Variants in ERCC1 observed in about 807,000 individuals in gnomAD.
The protein encoded by ERCC1 is ERCC excision repair 1, endonuclease non-catalytic subunit.
Under a neutral mutation model 37.6 loss-of-function variants are expected in ERCC1, and 36 were observed. The observed-to-expected ratio is 0.96, with a 90% CI of 0.73 to 1.26. The LOEUF is 1.26. Ranked by LOEUF, ERCC1 falls within the 50% of genes most tolerant of loss-of-function variation. ERCC1 has a pLI of 0.00. For missense variants in ERCC1, 349 were observed against 376.5 expected (o/e 0.93, Z 0.60); for synonymous variants, 156 against 162.1 (o/e 0.96, Z 0.28).
intron 7 of ERCC1, 54 bp from the exon 8 acceptor site, chr19:45,414,088 A>G: frequency 6.9e-7 from 1 of 1,453,820 alleles, no homozygotes. Flanking sequence ...AGCAAGACTG[A>G]GCCTAGGAGG....
intron 9 of ERCC1, 170 bp from the exon 10 acceptor site, chr19:45,409,895 A>ATTATTATT (rs1555785258): frequency 2.7e-4 from 46 of 171,654 alleles, no homozygotes; most frequent in Non-Finnish European, 3.6e-4. Flanking sequence ...TATTATTATT[A>ATTATTATT]TTTTTTTTTT....
intron 5 of ERCC1, among the ~76,000 whole-genome samples, chr19:45,418,505 G>A (rs999717808): frequency 1.8e-4 from 26 of 145,792 alleles, no homozygotes; most frequent in African/African-American, 6.6e-4. Flanking sequence ...GGGCGACAGA[G>A]GAGACTCCGT....
chr19:45,423,918 G>A (rs1974599968), upstream of ERCC1: 2 of 1,099,714 alleles, frequency 1.8e-6, no homozygotes, highest in African/African-American at 3.2e-5. Context: ...CAGCACTTCC[G>A]GCCTCTCTGG....
chr19:45,443,176 T>C (rs1975164546), intron 1 of ERCC1, among the ~76,000 whole-genome samples: 1 of 151,974 alleles, frequency 6.6e-6, no homozygotes, highest in South Asian at 2.1e-4. Context: ...ATCTTATTGA[T>C]TTGTCTAGTG....
chr19:45,417,301 TCC>T (rs1974122615), intron 5 of ERCC1, among the ~76,000 whole-genome samples: 1 of 151,940 alleles, frequency 6.6e-6, no homozygotes, highest in South Asian at 2.1e-4. Flanking sequence ...GACAGACCTG[TCC>T]CCAGACACTG....
upstream of ERCC1, among the ~76,000 whole-genome samples, chr19:45,426,416 T>C (rs758902919): frequency 6.8e-6 from 1 of 146,788 alleles, no homozygotes; most frequent in Non-Finnish European, 1.5e-5. Context: ...CCGGGCATGG[T>C]GGCACATGCC....
chr19:45,423,772 C>A lies in ERCC1; in HGVS notation c.-8+9G>T. 1 of 1,145,000 alleles carries A rather than the reference C, an allele frequency of 8.7e-7. No homozygotes were observed. The allele number at this position is 1,145,000 out of a possible 1,614,324, so 70.9% of individuals were successfully genotyped here. A position where few individuals can be genotyped will look rare whatever the true frequency, so the allele number is the denominator to read the frequency against. On this transcript the variant is annotated intron_variant, in intron 1 of 9. Transcript: ENST00000300853. ...GCCAATCTCCACCCGCAGTCTCCGC[C>A]TCCCGCACCTGTGGTCCGGGCCTCA...
chr19:45,420,258 G>T lies in ERCC1; in HGVS notation c.425+66C>A. 9.6e-7 allele frequency: 1 copy of T among 1,041,194 alleles called. No individual in the cohort carries two copies. 64.5% of individuals were successfully genotyped at this position (1,041,194 alleles called of 1,614,324 possible). A position where few individuals can be genotyped will look rare whatever the true frequency, so the allele number is the denominator to read the frequency against. ...TCTCATAGAACAGTCCAGAACACTG[G>T]GACATGACCCTCCCAGGCCAGTGGG... On this transcript the variant is annotated intron_variant, in intron 4 of 9. Transcript: ENST00000300853. The surrounding 1 kb of genome is among the most constrained non-coding windows in gnomAD (Gnocchi z 4.8).
chr19:45,408,313 A>G lies in ERCC1; in HGVS notation c.*1362T>C, dbSNP rs1973473245. On this transcript the variant is annotated 3_prime_UTR_variant, in exon 10 of 10. Transcript: ENST00000300853. The stretch of plus-strand genomic sequence containing the variant: ...GTGCCTCAGCCCCCCAGGGCACCCT[A>G]AGGATCCTTGAGGGTCCCCAGCAAT... 6.2e-7 allele frequency: 1 copy of G among 1,611,742 alleles called. No individual in the cohort carries two copies. The highest frequency in any genetic ancestry group is 8.5e-7 in the Non-Finnish European group (1 of 1,178,580).
At chr19:45,410,567 G>GTGTGTGTA (rs1255993618) in intron 9 of ERCC1, 1 of 141,900 alleles carries the variant, frequency 7.0e-6, no homozygotes, top group Non-Finnish European at 1.5e-5. Context: ...TTCTTTCTTT[G>GTGTGTGTA]TGTGTGTGTG....
At position 45,414,020 on chromosome 19, in the gene ERCC1, C is replaced by G. The variant is rs1415547968; in HGVS notation, c.717G>C (p.Leu239=). ...QDFVSRVTEC[L]TTVKSVNKTD... ...TTTTGTTGACTGACTTCACGGTGGT[C>G]AGACATTCAGTCACCTGGAAAGGGT... Residue 239 remains leucine, a synonymous_variant, in exon 8 of 10, where the codon CTG becomes CTC. Transcript: ENST00000300853. 2 of 1,613,070 alleles carry G rather than the reference C, an allele frequency of 1.2e-6. No individual in the cohort carries two copies. The highest frequency in any genetic ancestry group is 1.3e-5 in the African/African-American group (1 of 74,848).
rs1973451773 is a variant in ERCC1, at chr19:45,408,060, AC to A, written c.*1614del. The A allele has an allele frequency of 1.2e-5, 18 of 1,441,306 alleles. No homozygotes were observed. Among genetic ancestry groups the A allele is most frequent in the South Asian group, 7.0e-5 (5 of 71,638 alleles). The allele number at this position is 1,441,306 out of a possible 1,614,324, so 89.3% of individuals were successfully genotyped here. A position where few individuals can be genotyped will look rare whatever the true frequency, so the allele number is the denominator to read the frequency against. Reference sequence around the variant, plus strand: ...CAGAGCAAGACTCTCTCAAAAAAAAACAAAAAAAAAATCAAAAAACCTTCCC... The same window carrying A: ...CAGAGCAAGACTCTCTCAAAAAAAAAAAAAAAAAAATCAAAAAACCTTCCC... On this transcript the variant is annotated 3_prime_UTR_variant, in exon 10 of 10. Coordinates refer to ENST00000300853, the MANE Select transcript of ERCC1 (RefSeq NM_001983.4).
chr19:45,423,634 C>T, intron 1 of ERCC1, 147 bp downstream of exon 1: 8 of 1,329,476 alleles, frequency 6.0e-6, no homozygotes, highest in Non-Finnish European at 7.8e-6. Flanking sequence ...TTGGCTCCGT[C>T]CCCACCATCC....
At chr19:45,411,378 C>G (rs1231418900) in intron 9 of ERCC1, among the ~76,000 whole-genome samples, 4 of 152,016 alleles carry the variant, frequency 2.6e-5, no homozygotes, top group Non-Finnish European at 5.9e-5. Context: ...AAACTGTTTT[C>G]CATAGTGGTT....
Position 45,423,378 on chromosome 19 carries a change from G to C in ERCC1, c.-4C>G. 1 of 1,610,410 alleles carries C rather than the reference G, an allele frequency of 6.2e-7. No homozygotes were observed. The highest frequency in any genetic ancestry group is 8.5e-7 in the Non-Finnish European group (1 of 1,178,578). On this transcript the variant is annotated 5_prime_UTR_variant, in exon 2 of 10. Coordinates refer to ENST00000300853, the MANE Select transcript of ERCC1 (RefSeq NM_001983.4). ...CTTTGTCCTTCCCAGGGTCCATCTG[G>C]AGCCTGAAAGGGAAGGTGCCAGGAG...
intron 4 of ERCC1, 42 bp from the exon 5 acceptor site, chr19:45,419,239 T>G: frequency 1.5e-6 from 2 of 1,359,710 alleles, no homozygotes; most frequent in Non-Finnish European, 2.1e-6. Context: ...TCTCAGTCTC[T>G]TCAAGACCCC....
At chr19:45,430,368 T>C (rs1264147535) in intron 1 of ERCC1, among the ~76,000 whole-genome samples, 2 of 152,192 alleles carry the variant, frequency 1.3e-5, no homozygotes, top group Admixed American at 1.3e-4. Flanking sequence ...ACTTTTATTA[T>C]TATTATCACC....
Position 45,413,704 on chromosome 19 carries a change from G to A in ERCC1, c.816C>T (p.Ala272=). ...TCTGAGGGCCCAGGCCTGGGCATAA[G>A]GCCAGATCTTCTCTTGATGCGGCGA... is the stretch of plus-strand genomic sequence containing the variant. ...QLIAASREDL[A]LCPGLGPQKA... Residue 272 remains alanine, a synonymous_variant, in exon 9 of 10, where the codon GCC becomes GCT. Coordinates refer to ENST00000300853, the MANE Select transcript of ERCC1 (RefSeq NM_001983.4). 6.2e-7 allele frequency: 1 copy of A among 1,614,114 alleles called. No homozygotes were observed. Among genetic ancestry groups the A allele is most frequent in the Non-Finnish European group, 8.5e-7 (1 of 1,180,042 alleles).
intron 1 of ERCC1, among the ~76,000 whole-genome samples, chr19:45,446,770 C>T (rs1438819671): frequency 3.3e-5 from 5 of 152,052 alleles, no homozygotes; most frequent in Admixed American, 6.6e-5. Context: ...GAGGCCAAGG[C>T]GGGCAGATCA....
Sources: allele counts gnomAD v4.1 joint callset (sites outside exome capture counted in the v4.1 genomes callset), GRCh38; gene constraint gnomAD v4.1.1; non-coding constraint Gnocchi (gnomAD v3.1); transcripts MANE v1.5; gene names NCBI Gene and HGNC (gene_info 2026-07-23, HGNC 2026-07-21).